Variants in CACNA2D1 observed in about 807,000 individuals in gnomAD.
CACNA2D1 encodes voltage-dependent calcium channel subunit alpha-2/delta-1.
CACNA2D1 carries 53 observed loss-of-function variants against 171.5 expected under a neutral mutation model. That is an observed-to-expected ratio of 0.31 (90% CI 0.25 to 0.39). CACNA2D1 has a LOEUF of 0.39. Ranked by LOEUF, CACNA2D1 falls within the 10% of genes least tolerant of loss-of-function variation. The pLI is 1.00. For missense variants in CACNA2D1, 903 were observed against 1,299.8 expected, an observed-to-expected ratio of 0.69 and a Z score of 4.69; for synonymous variants, 442 against 443.1, an observed-to-expected ratio of 1.00 and a Z score of 0.03.
intron 3 of CACNA2D1, among the ~76,000 whole-genome samples, chr7:82,274,007 A>G (rs1184362367): frequency 3.9e-5 from 6 of 152,148 alleles, no homozygotes; most frequent in African/African-American, 1.2e-4. Context: ...CTGTTCTAGA[A>G]GACCATATGT....
At chr7:82,252,070 C>A (rs777343914) in intron 3 of CACNA2D1, among the ~76,000 whole-genome samples, 17 of 152,156 alleles carry the variant, frequency 1.1e-4, no homozygotes, top group Non-Finnish European at 1.5e-4. Context: ...GACAATATAA[C>A]AATGATTGTT....
intron 3 of CACNA2D1, among the ~76,000 whole-genome samples, chr7:82,309,905 C>T (rs2129432222): frequency 6.6e-6 from 1 of 152,242 alleles, no homozygotes; most frequent in South Asian, 2.1e-4. Flanking sequence ...GTACCTGTGT[C>T]ATAGTTGCAA....
At chr7:82,063,216 C>T (rs1010828396) in intron 9 of CACNA2D1, among the ~76,000 whole-genome samples, 4 of 152,122 alleles carry the variant, frequency 2.6e-5, no homozygotes, top group African/African-American at 4.8e-5. Flanking sequence ...GACATTATTT[C>T]TGGATATTAT....
chr7:82,187,556 C>CA (rs71093368), intron 3 of CACNA2D1, among the ~76,000 whole-genome samples: 2,419 of 150,494 alleles, frequency 0.016, 79 homozygotes, highest in African/African-American at 0.054. Flanking sequence ...TAAACATTGC[C>CA]AAAAAAAAAG....
intron 1 of CACNA2D1, among the ~76,000 whole-genome samples, chr7:82,397,394 T>A (rs1404680539): frequency 6.6e-6 from 1 of 152,202 alleles, no homozygotes; most frequent in African/African-American, 2.4e-5. Context: ...TTTATTCTTC[T>A]GACATTCTTT....
At chr7:82,119,375 A>G (rs1789452979) in intron 5 of CACNA2D1, among the ~76,000 whole-genome samples, 1 of 152,190 alleles carries the variant, frequency 6.6e-6, no homozygotes, top group Non-Finnish European at 1.5e-5. Context: ...CAGCTATTAA[A>G]TAATAGATTA....
At chr7:82,406,515 C>T (rs1054396479) in intron 1 of CACNA2D1, among the ~76,000 whole-genome samples, 2 of 152,224 alleles carry the variant, frequency 1.3e-5, no homozygotes, top group South Asian at 2.1e-4. Flanking sequence ...ACCAACAGTG[C>T]AAAAGTGTTC....
rs1338564052 is a variant in CACNA2D1, at chr7:82,058,099, C to G, written c.879+2329G>C. Among the ~76,000 whole-genome samples, 3 of 152,096 alleles carry G rather than the reference C, an allele frequency of 2.0e-5. No homozygotes were observed. In the East Asian group the frequency reaches 5.8e-4, roughly 29 times the overall value. ...AAGGCTGCTACCTAAAACCTCAGCT[C>G]CTTTGCATTTGGGGCAGGTTAACTC... On this transcript the variant is annotated intron_variant, in intron 10 of 38. Transcript: ENST00000356860.
chr7:82,332,213 C>A (rs1415924039), intron 3 of CACNA2D1, among the ~76,000 whole-genome samples: 1 of 152,054 alleles, frequency 6.6e-6, no homozygotes, highest in Non-Finnish European at 1.5e-5. Context: ...AGGCACCTGC[C>A]ACCACACCCA....
chr7:82,120,073 A>C (rs1490605396), intron 5 of CACNA2D1, among the ~76,000 whole-genome samples: 2 of 152,150 alleles, frequency 1.3e-5, no homozygotes, highest in Admixed American at 6.5e-5. Flanking sequence ...ATTTCCAGCT[A>C]TTCAGGAGGC....
At chr7:82,183,175 T>C (rs1489661155) in intron 3 of CACNA2D1, among the ~76,000 whole-genome samples, 1 of 152,148 alleles carries the variant, frequency 6.6e-6, no homozygotes, top group African/African-American at 2.4e-5. Context: ...TTTTTCAACA[T>C]TTTACAATCC....
intron 4 of CACNA2D1, among the ~76,000 whole-genome samples, chr7:82,142,701 C>T (rs1792539404): frequency 6.6e-6 from 1 of 152,186 alleles, no homozygotes; most frequent in African/African-American, 2.4e-5. Flanking sequence ...TTTTGGGCAA[C>T]TGTACTGTCT....
chr7:82,046,024 G>A (rs1338709424), intron 10 of CACNA2D1, among the ~76,000 whole-genome samples: 1 of 152,138 alleles, frequency 6.6e-6, no homozygotes, highest in Admixed American at 6.6e-5. Flanking sequence ...TCCTACTGCA[G>A]TAACTTTAGA....
intron 4 of CACNA2D1, among the ~76,000 whole-genome samples, chr7:82,145,451 TTATA>T (rs72182776): frequency 0.043 from 6,219 of 143,516 alleles, 171 homozygotes; most frequent in South Asian, 0.1. Context: ...TGTATAATTT[TTATA>T]TATGTTTATA....
chr7:81,996,656 T>C (rs1798077957), intron 19 of CACNA2D1, among the ~76,000 whole-genome samples: 1 of 148,814 alleles, frequency 6.7e-6, no homozygotes, highest in Non-Finnish European at 1.5e-5. Flanking sequence ...TTATTTATTA[T>C]ATATTTCTAA....
chr7:82,050,774 T>C (rs185356421), intron 10 of CACNA2D1: 1 of 632,122 alleles, frequency 1.6e-6, no homozygotes. Context: ...TAATACATGA[T>C]TACAATATAT....
At chr7:82,202,451 T>C (rs888645625) in intron 3 of CACNA2D1, among the ~76,000 whole-genome samples, 11 of 152,104 alleles carry the variant, frequency 7.2e-5, no homozygotes, top group African/African-American at 2.7e-4. Flanking sequence ...TGGTGGCCGG[T>C]GGCAGCTTAC....
intron 36 of CACNA2D1, among the ~76,000 whole-genome samples, chr7:81,961,229 C>G (rs1203046387): frequency 6.6e-6 from 1 of 151,964 alleles, no homozygotes; most frequent in Non-Finnish European, 1.5e-5. Context: ...TTAATTATTA[C>G]TTTCCCCTCA....
intron 3 of CACNA2D1, among the ~76,000 whole-genome samples, chr7:82,248,899 T>C (rs1046069352): frequency 2.0e-5 from 3 of 151,620 alleles, no homozygotes; most frequent in Non-Finnish European, 4.4e-5. Flanking sequence ...GGGCGGATCA[T>C]GAGGTCAGAA....
Sources: gnomAD v4.1 joint callset for allele counts (sites outside exome capture counted in the v4.1 genomes callset) on GRCh38, gnomAD v4.1.1 for gene constraint, MANE v1.5 for transcripts, NCBI Gene and HGNC (gene_info 2026-07-23, HGNC 2026-07-21) for gene names.